The following RIF1 variants were observed in gnomAD, a reference collection of about 807,000 sequenced individuals.
The protein encoded by RIF1 is telomere-associated protein RIF1.
In RIF1, 45 loss-of-function variants were observed where a neutral mutation model predicts 247.1. The observed-to-expected ratio is 0.18, with a 90% confidence interval of 0.14 to 0.23. RIF1 has a LOEUF of 0.23. Among genes scored for constraint, RIF1 ranks in the 10% least tolerant of loss-of-function variants. RIF1 has a pLI of 1.00. For missense variants in RIF1, 2,967 were observed against 2,862.5 expected (o/e 1.04, Z -0.83); for synonymous variants, 1,087 against 978.8 (o/e 1.11, Z -2.06).
chr2:151,521,526 T>G, the RIF1 span, among the ~76,000 whole-genome samples: 3 of 152,162 alleles, frequency 2.0e-5, no homozygotes, highest in Non-Finnish European at 4.4e-5. Context: ...TCCCAAGAGT[T>G]GTGAAACACA....
At chr2:151,500,593 C>CTTTTTTTTTTTTTT (rs11428843) in intron 11 of RIF1, among the ~76,000 whole-genome samples, 1 of 118,458 alleles carries the variant, frequency 8.4e-6, no homozygotes, top group East Asian at 2.5e-4. Context: ...TTCTTTCTTC[C>CTTTTTTTTTTTTTT]TTTTTTTTTT....
chr2:151,424,532 G>C (rs1273101483), intron 8 of RIF1, among the ~76,000 whole-genome samples: 2 of 152,080 alleles, frequency 1.3e-5, no homozygotes, highest in African/African-American at 4.8e-5. Flanking sequence ...CTACCTTTTG[G>C]CTATTGTGAA....
intron 15 of RIF1, among the ~76,000 whole-genome samples, 182 bp downstream of exon 15, chr2:151,440,309 A>G (rs1013804261): frequency 1.3e-5 from 2 of 152,208 alleles, no homozygotes; most frequent in African/African-American, 4.8e-5. Flanking sequence ...AACCTTTTTA[A>G]TAGTGACTAT....
Position 151,468,161 on chromosome 2 carries a change from T to C in RIF1, c.6747+15T>C. 6.3e-7 allele frequency: 1 copy of C among 1,593,170 alleles called. No homozygotes were observed. The highest frequency in any genetic ancestry group is 1.7e-5 in the Admixed American group (1 of 58,064). ...CACAATCTAAGGTAAGCTATAGGCT[T>C]TAAAATATACATATATGTATACCGA... On this transcript the variant is annotated intron_variant, in intron 31 of 35. Coordinates refer to ENST00000444746, the MANE Select transcript of RIF1 (RefSeq NM_018151.5).
At chr2:151,529,306 G>T in the RIF1 span, 1 of 1,605,562 alleles carries the variant, frequency 6.2e-7, no homozygotes, top group African/African-American at 1.3e-5. Context: ...ATACTTCTTT[G>T]TATTTCAGCT....
intron 9 of RIF1, chr2:151,492,041 T>C: frequency 7.8e-6 from 12 of 1,542,004 alleles, no homozygotes; most frequent in Non-Finnish European, 1.1e-5. Flanking sequence ...ATGCTACTTT[T>C]GTTCTTCTAC....
In RIF1 at chr2:151,492,474, G is replaced by C. The variant is rs758905884; in HGVS notation, c.*416-2755G>C. The C allele has an allele frequency of 6.2e-6, 10 of 1,612,890 alleles. No individual in the cohort carries two copies. In the South Asian group the frequency reaches 1.1e-4, roughly 18 times the overall value. ...CAGCTTTGCCTTGTATTTGTTTCCG[G>C]AAACTATCAGAATAAAGAACCTGAT... On this transcript the variant is annotated intron_variant and NMD_transcript_variant, in intron 9 of 13. Transcript: ENST00000454583.
In RIF1 at chr2:151,475,145, A is replaced by G; in HGVS notation, c.*74A>G. 2 of 1,027,174 alleles carry G rather than the reference A, an allele frequency of 1.9e-6. No individual in the cohort carries two copies. Among genetic ancestry groups the G allele is most frequent in the South Asian group, 2.7e-5 (2 of 73,812 alleles). 63.6% of individuals were successfully genotyped at this position (1,027,174 alleles called of 1,614,324 possible). A position where few individuals can be genotyped will look rare whatever the true frequency, so the allele number is the denominator to read the frequency against. On this transcript the variant is annotated 3_prime_UTR_variant, in exon 36 of 36. Transcript: ENST00000444746. ...GATTGAGGAAACAAGTTCTGAAATA[A>G]TAGCACAATTTCAAAGAAGAGACTC...
At chr2:151,425,139 TTC>T (rs1688819784) in intron 8 of RIF1, among the ~76,000 whole-genome samples, 1 of 152,152 alleles carries the variant, frequency 6.6e-6, no homozygotes, top group Non-Finnish European at 1.5e-5. Context: ...AGATTTGCAT[TTC>T]TCTGATTACT....
At chr2:151,417,274 C>T (rs1424848349) in intron 6 of RIF1, among the ~76,000 whole-genome samples, 4 of 152,174 alleles carry the variant, frequency 2.6e-5, no homozygotes, top group Non-Finnish European at 5.9e-5. Flanking sequence ...AGAGTACCTT[C>T]TTCATTTTTG....
chr2:151,499,652 A>G, intron 11 of RIF1: 1 of 308,098 alleles, frequency 3.2e-6, no homozygotes, highest in Non-Finnish European at 6.1e-6. Context: ...TAAGGAAAAA[A>G]ATACAAATAA....
Position 151,465,924 on chromosome 2 carries a change from A to C in RIF1, c.6404A>C (p.Glu2135Ala), listed in dbSNP as rs543653550. 35 of 1,614,194 alleles carry C rather than the reference A, an allele frequency of 2.2e-5. No homozygotes were observed. In the South Asian group the frequency reaches 3.8e-4, roughly 18 times the overall value. The change falls in exon 30 of 36, where the codon GAG becomes GCG. Residue 2135 changes from glutamate (E) to alanine (A), a missense_variant. By Grantham distance (107) the Glu-to-Ala change is moderately radical. Around this residue, in one of 7 missense-constraint regions of RIF1, gnomAD observed 2,028 missense variants for 1,825.6 expected, o/e 1.11. Transcript: ENST00000444746. ...QCLASGTAIS[E>A]LIIEDNNASP... ...CTGGCATCTGGAACAGCTATCTCTGAGCTAATAATAGAAGACAATAATGCA... is the reference window on the plus strand; with the variant it reads ...CTGGCATCTGGAACAGCTATCTCTGCGCTAATAATAGAAGACAATAATGCA...
intron 16 of RIF1, among the ~76,000 whole-genome samples, chr2:151,442,385 T>C (rs530535203): frequency 2.0e-5 from 3 of 150,316 alleles, no homozygotes; most frequent in African/African-American, 7.4e-5. Context: ...TTTCCCTTTT[T>C]TTTAAAAAAA....
intron 13 of RIF1, among the ~76,000 whole-genome samples, chr2:151,507,301 T>C (rs1232687476): frequency 6.6e-6 from 1 of 152,222 alleles, no homozygotes; most frequent in Non-Finnish European, 1.5e-5. Context: ...GCAGTGATAG[T>C]TCACATTCAG....
Position 151,440,125 on chromosome 2 carries a change from C to CATAGTTCTTTTTTTTTCTTTTTTTTTTT in RIF1, c.1645_1646insATAGTTCTTTTTTTTTCTTTTTTTTTTT (p.Leu549HisfsTer18). 6.6e-7 allele frequency: 1 copy of CATAGTTCTTTTTTTTTCTTTTTTTTTTT among 1,511,172 alleles called. No individual in the cohort carries two copies. Among genetic ancestry groups the CATAGTTCTTTTTTTTTCTTTTTTTTTTT allele is most frequent in the Non-Finnish European group, 9.1e-7 (1 of 1,096,666 alleles). The allele number at this position is 1,511,172 out of a possible 1,614,324, so 93.6% of individuals were successfully genotyped here. A position where few individuals can be genotyped will look rare whatever the true frequency, so the allele number is the denominator to read the frequency against. Reference sequence around the variant, plus strand: ...TGAAGTATTTCCTGTATCAAAAACGCTGGTAAGTATAATACCCGTATGTTG... The same window carrying CATAGTTCTTTTTTTTTCTTTTTTTTTTT: ...TGAAGTATTTCCTGTATCAAAAACGCATAGTTCTTTTTTTTTCTTTTTTTTTTTTGGTAAGTATAATACCCGTATGTTG... On this transcript the variant is annotated frameshift_variant and splice_region_variant, in exon 15 of 36. Transcript: ENST00000444746. LOFTEE classifies it high-confidence loss of function.
At chr2:151,427,318 C>T (rs1370406908) in intron 8 of RIF1, among the ~76,000 whole-genome samples, 1 of 151,556 alleles carries the variant, frequency 6.6e-6, no homozygotes, top group Non-Finnish European at 1.5e-5. Context: ...TCAAGTGATT[C>T]TCCTGTCTCA....
At chr2:151,496,977 C>T (rs1559206621) in intron 10 of RIF1, 2 of 1,581,408 alleles carry the variant, frequency 1.3e-6, no homozygotes, top group African/African-American at 1.3e-5. Context: ...TGACTCTCTC[C>T]ATCTCAGGAG....
chr2:151,433,155 C>T lies in RIF1; in HGVS notation c.1004C>T (p.Ala335Val), dbSNP rs762461117. The T allele has an allele frequency of 1.9e-6, 3 of 1,612,288 alleles. No individual in the cohort carries two copies. Among genetic ancestry groups the T allele is most frequent in the Non-Finnish European group, 8.5e-7 (1 of 1,178,472 alleles). Residue 335 changes from alanine (A) to valine (V), a missense_variant, in exon 10 of 36, where the codon GCA becomes GTA. By Grantham distance (64) the Ala-to-Val change is moderately conservative. Transcript: ENST00000444746. ...ATCCATGTGAGAACAGAAACTCTAG[C>T]ATTAACAAAACTAGAAGTCTGGTGG... ...SSIHVRTETL[A>V]LTKLEVWWYL... is the part of the protein sequence containing the mutation.
At chr2:151,496,643 C>T (rs1418512748) in intron 10 of RIF1, among the ~76,000 whole-genome samples, 1 of 151,766 alleles carries the variant, frequency 6.6e-6, no homozygotes, top group Non-Finnish European at 1.5e-5. Context: ...TACGGTGCCT[C>T]CTAAACAATC....
Sources: allele counts gnomAD v4.1 joint callset (sites outside exome capture counted in the v4.1 genomes callset), GRCh38; gene constraint gnomAD v4.1.1; regional missense constraint gnomAD v4.1.1; transcripts MANE v1.5; gene names NCBI Gene and HGNC (gene_info 2026-07-23, HGNC 2026-07-21).